SEM1: variants seen among roughly 807,000 people sequenced by gnomAD.
The protein encoded by SEM1 is 26S proteasome complex subunit SEM1.
Under a neutral mutation model 12.7 loss-of-function variants are expected in SEM1, and 3 were observed. That is an observed-to-expected ratio of 0.24 (90% confidence interval 0.11 to 0.61). The LOEUF is 0.61. SEM1 is among the 20% of genes least tolerant of loss of function. The pLI is 0.88. For missense variants in SEM1, 59 were observed against 81.3 expected (o/e 0.73, Z 1.06); for synonymous variants, 30 against 27.8 (o/e 1.08, Z -0.25).
chr7:96,696,742 A>G (rs1181378773), intron 1 of SEM1: 1 of 151,978 alleles, frequency 6.6e-6, no homozygotes, highest in Admixed American at 6.6e-5. Flanking sequence ...AACACTTACA[A>G]ATTCTCTATA....
intron 2 of SEM1, among the ~76,000 whole-genome samples, chr7:96,660,320 C>T (rs1788953298): frequency 6.6e-6 from 1 of 152,120 alleles, no homozygotes; most frequent in Non-Finnish European, 1.5e-5. Context: ...GATAGAACTA[C>T]AGATACAAAT....
At chr7:96,482,524 A>G (rs1375342897) in exon 4 of SEM1, 1 of 152,170 alleles carries the variant, frequency 6.6e-6, no homozygotes, top group African/African-American at 2.4e-5. Flanking sequence ...AGGATAATAT[A>G]CTTTACATAC....
chr7:96,633,188 C>T (rs1412408238), intron 2 of SEM1, among the ~76,000 whole-genome samples: 2 of 151,960 alleles, frequency 1.3e-5, no homozygotes, highest in Non-Finnish European at 2.9e-5. Context: ...GGTTAGGACT[C>T]ATTATTTAAG....
chr7:96,622,631 A>G (rs778118967), exon 3 of SEM1: 1 of 764,798 alleles, frequency 1.3e-6, no homozygotes, highest in Non-Finnish European at 2.4e-6. Flanking sequence ...CCTCCAGTTC[A>G]CTGTATCCAG....
At chr7:96,621,996 C>G (rs1807907856), downstream of SEM1, 1 of 152,220 alleles carries the variant, frequency 6.6e-6, no homozygotes, top group Non-Finnish European at 1.5e-5. Context: ...GAAACATGAC[C>G]AGTTACCCTC....
intron 2 of SEM1, among the ~76,000 whole-genome samples, chr7:96,582,782 T>G (rs1317259538): frequency 4.6e-5 from 7 of 152,220 alleles, no homozygotes; most frequent in Admixed American, 2.0e-4. Context: ...AGTATTATCT[T>G]ATGGTAGTTT....
chr7:96,494,300 G>T (rs1213181317), intron 1 of SEM1, among the ~76,000 whole-genome samples: 2 of 152,096 alleles, frequency 1.3e-5, no homozygotes, highest in Admixed American at 6.5e-5. Context: ...CTTAATAAGT[G>T]TTCCTGCTCT....
At chr7:96,704,869 T>C (rs1359538821) in intron 1 of SEM1, among the ~76,000 whole-genome samples, 2 of 152,238 alleles carry the variant, frequency 1.3e-5, no homozygotes, top group African/African-American at 2.4e-5. Flanking sequence ...TGGTATATGC[T>C]GTTCACATAA....
chr7:96,581,678 G>C (rs537110467), intron 2 of SEM1, among the ~76,000 whole-genome samples: 2 of 152,098 alleles, frequency 1.3e-5, no homozygotes, highest in Non-Finnish European at 2.9e-5. Context: ...CCTTGAAGAG[G>C]TCTTTCACAG....
At chr7:96,517,890 C>T (rs558681501) in intron 2 of SEM1, among the ~76,000 whole-genome samples, 5 of 152,214 alleles carry the variant, frequency 3.3e-5, no homozygotes, top group Non-Finnish European at 5.9e-5. Flanking sequence ...TGATGCTTGC[C>T]TTTCATGTCT....
intron 2 of SEM1, chr7:96,622,685 C>T (rs1263935776): frequency 2.6e-6 from 2 of 756,764 alleles, no homozygotes; most frequent in Non-Finnish European, 4.8e-6. Context: ...CTTTTTCAAA[C>T]ACCTATTAGC....
intron 2 of SEM1, among the ~76,000 whole-genome samples, chr7:96,549,038 A>G (rs1196675495): frequency 6.6e-6 from 1 of 152,110 alleles, no homozygotes; most frequent in African/African-American, 2.4e-5. Context: ...GCAGCTCTGA[A>G]ATTTTTTCCC....
At chr7:96,514,255 T>TATTGTAAGA (rs1256128717) in intron 2 of SEM1, among the ~76,000 whole-genome samples, 1 of 152,120 alleles carries the variant, frequency 6.6e-6, no homozygotes, top group Non-Finnish European at 1.5e-5. Flanking sequence ...TTTATTTATT[T>TATTGTAAGA]ATTGTAAGAA....
At chr7:96,610,279 AG>A (rs1807501381) in intron 2 of SEM1, among the ~76,000 whole-genome samples, 1 of 152,028 alleles carries the variant, frequency 6.6e-6, no homozygotes, top group African/African-American at 2.4e-5. Flanking sequence ...TTGTATTTTT[AG>A]TAGAGATGGG....
intron 2 of SEM1, among the ~76,000 whole-genome samples, chr7:96,679,744 C>G (rs970768058): frequency 1.3e-5 from 2 of 152,088 alleles, no homozygotes; most frequent in African/African-American, 4.8e-5. Flanking sequence ...AAAGGCAAAG[C>G]CCATCTCCCA....
At chr7:96,533,245 G>T (rs114868978) in intron 2 of SEM1, among the ~76,000 whole-genome samples, 1 of 151,970 alleles carries the variant, frequency 6.6e-6, no homozygotes, top group Non-Finnish European at 1.5e-5. Flanking sequence ...AGCTTTGTGT[G>T]TATTCAGGAA....
At chr7:96,507,367 C>A (rs1312191719) in intron 2 of SEM1, among the ~76,000 whole-genome samples, 2 of 152,012 alleles carry the variant, frequency 1.3e-5, no homozygotes, top group Non-Finnish European at 2.9e-5. Flanking sequence ...TTACTAAATG[C>A]TAACTCTATC....
At position 96,629,704 on chromosome 7, in the gene SEM1, CTG is replaced by C. The variant is rs539841807; in HGVS notation, c.171-7063_171-7062del. 1.3e-4 allele frequency among the ~76,000 whole-genome samples: 20 copies of C among 152,126 alleles called. No homozygotes were observed. The East Asian group carries it at 3.9e-3, about 30-fold the overall frequency. On this transcript the variant is annotated intron_variant, in intron 2 of 2. Transcript: ENST00000417009. ...GGTCATGACACTTGTAGATATTTGT[CTG>C]TGTTTGGGCATTGAAGAGTTAGGTA...
chr7:96,591,518 A>G (rs1182177086), intron 2 of SEM1, among the ~76,000 whole-genome samples: 1 of 152,212 alleles, frequency 6.6e-6, no homozygotes, highest in African/African-American at 2.4e-5. Context: ...TAACTGGAGT[A>G]CTTTAAAAAG....
Sources: gnomAD v4.1 joint callset for allele counts (sites outside exome capture counted in the v4.1 genomes callset) on GRCh38, gnomAD v4.1.1 for gene constraint, MANE v1.5 for transcripts, NCBI Gene and HGNC (gene_info 2026-07-23, HGNC 2026-07-21) for gene names.